The following PFKP variants were observed in gnomAD, a reference collection of about 807,000 sequenced individuals.
PFKP encodes phosphofructokinase, platelet.
Under a neutral mutation model 94.3 loss-of-function variants are expected in PFKP, and 101 were observed. The observed-to-expected ratio is 1.07, with a 90% CI of 0.91 to 1.26. The LOEUF (loss-of-function observed/expected upper bound fraction) is 1.26, where lower values mean the gene tolerates loss of function less well. Among genes scored for constraint, PFKP ranks in the 50% most tolerant of loss-of-function variants. PFKP has a pLI of 0.00. For synonymous variants in PFKP, 573 were observed against 432.6 expected (o/e 1.32, Z -4.03); for missense variants, 1,145 against 1,103.3 (o/e 1.04, Z -0.53).
intron 16 of PFKP, among the ~76,000 whole-genome samples, chr10:3,122,324 G>A (rs541040368): frequency 2.0e-5 from 3 of 152,268 alleles, no homozygotes; most frequent in East Asian, 3.9e-4. Flanking sequence ...TCTGACCGAG[G>A]TCACCCTGGC....
At chr10:3,110,784 TTA>T (rs765231131) in intron 10 of PFKP, among the ~76,000 whole-genome samples, 1 of 152,212 alleles carries the variant, frequency 6.6e-6, no homozygotes, top group East Asian at 1.9e-4. Context: ...ATGCATATAT[TTA>T]TGCATGTGTG....
At chr10:3,094,745 A>G (rs1834342753) in intron 2 of PFKP, among the ~76,000 whole-genome samples, 1 of 152,204 alleles carries the variant, frequency 6.6e-6, no homozygotes, top group South Asian at 2.1e-4. Flanking sequence ...AAGCCTAGAG[A>G]GCCGTTCAGA....
chr10:3,104,058 C>T lies in PFKP; in HGVS notation c.620+114C>T, dbSNP rs549761593. 2.3e-3 allele frequency: 2,076 copies of T among 906,728 alleles called. 6 individuals are homozygous for T. Among genetic ancestry groups the T allele is most frequent in the Non-Finnish European group, 3.1e-3 (1,902 of 615,310 alleles). The allele number at this position is 906,728 out of a possible 1,614,324, so 56.2% of individuals were successfully genotyped here. On this transcript the variant is annotated intron_variant, in intron 5 of 21. Coordinates refer to ENST00000381125, the MANE Select transcript of PFKP (RefSeq NM_002627.5). ...AGATTGGGTGTCCTGGTGCTGGTCT[C>T]GTAACTTGACTTTTAGGAGCTATTG...
At chr10:3,097,592 G>A (rs1302442121) in intron 2 of PFKP, among the ~76,000 whole-genome samples, 1 of 152,166 alleles carries the variant, frequency 6.6e-6, no homozygotes, top group African/African-American at 2.4e-5. Flanking sequence ...TGCCTGGGGG[G>A]TCTCGGGAGG....
chr10:3,094,640 C>T (rs73571283), intron 2 of PFKP, among the ~76,000 whole-genome samples: 8,177 of 152,148 alleles, frequency 0.054, 514 homozygotes, highest in African/African-American at 0.16. Flanking sequence ...GATAAAGCCA[C>T]GATTCCTGGC....
chr10:3,116,936 T>G (rs1588518501), intron 14 of PFKP, 90 bp downstream of exon 14: 1 of 1,039,954 alleles, frequency 9.6e-7, no homozygotes, highest in Non-Finnish European at 1.5e-6. Flanking sequence ...CCGACGCCAG[T>G]TGGATTCCTG....
chr10:3,071,847 T>A (rs557470655), intron 1 of PFKP, among the ~76,000 whole-genome samples: 2 of 152,354 alleles, frequency 1.3e-5, no homozygotes, highest in East Asian at 3.9e-4. Flanking sequence ...TGACTCTTTG[T>A]TATGTGGCAG....
chr10:3,120,873 T>C (rs1338986549), intron 16 of PFKP, among the ~76,000 whole-genome samples: 1 of 152,180 alleles, frequency 6.6e-6, no homozygotes, highest in Non-Finnish European at 1.5e-5. Flanking sequence ...GCTTGGTAAT[T>C]GATGTGGGAG....
At chr10:3,105,049 G>A (rs1835397790) in intron 5 of PFKP, 66 bp from the exon 6 acceptor site, 2 of 1,470,220 alleles carry the variant, frequency 1.4e-6, no homozygotes, top group Non-Finnish European at 1.9e-6. Context: ...CCAGGACTGA[G>A]TGGGTGCTCC....
At chr10:3,104,884 A>AGG in intron 5 of PFKP, 1 of 607,746 alleles carries the variant, frequency 1.6e-6, no homozygotes, top group Non-Finnish European at 2.9e-6. Flanking sequence ...GAGAGCGCAG[A>AGG]GGTGGCTCAA....
rs3816698 is a variant in PFKP, at chr10:3,113,093, G to A, written c.1155-26G>A. The A allele has an allele frequency of 0.15, 239,317 of 1,604,020 alleles. 18,678 individuals carry two copies. The highest frequency in any genetic ancestry group is 0.2 in the Admixed American group (11,739 of 59,076). On this transcript the variant is annotated intron_variant, in intron 11 of 21. Transcript: ENST00000381125. The stretch of plus-strand genomic sequence containing the variant: ...AGTTGTGTCCGGTATTCTCGACTCC[G>A]GTCCAACGACACCCTTTTCCTTTAG...
intron 3 of PFKP, among the ~76,000 whole-genome samples, chr10:3,099,611 C>T (rs1050762161): frequency 5.9e-5 from 9 of 152,186 alleles, no homozygotes; most frequent in African/African-American, 1.9e-4. Flanking sequence ...CCCACACCTT[C>T]GTGCTGGTCC....
In PFKP at chr10:3,107,233, G is replaced by A; in HGVS notation, c.794G>A (p.Arg265Lys). The A allele has an allele frequency of 6.2e-7, 1 of 1,610,490 alleles. No individual in the cohort carries two copies. The highest frequency in any genetic ancestry group is 8.5e-7 in the Non-Finnish European group (1 of 1,177,454). ...CCACAGAACCGTGCCCGGAAAAAAA[G>A]GCTGAATATTATTATTGTGGCTGAA... ...KLSENRARKK[R>K]LNIIIVAEGA... The change falls in exon 8 of 22, where the codon AGG becomes AAG. Residue 265 changes from arginine to lysine, a missense_variant. Arg to Lys is a conservative substitution (Grantham distance 26). Coordinates refer to ENST00000381125, the MANE Select transcript of PFKP (RefSeq NM_002627.5).
intron 16 of PFKP, chr10:3,125,053 G>A: frequency 8.5e-7 from 1 of 1,176,730 alleles, no homozygotes; most frequent in Non-Finnish European, 1.1e-6. Context: ...GCTGGCAGGT[G>A]AGCACCCGGC....
chr10:3,084,029 G>T lies in PFKP; in HGVS notation c.186+1568G>T, dbSNP rs74113348. Among the ~76,000 whole-genome samples, 493 of 152,264 alleles carry T rather than the reference G, an allele frequency of 3.2e-3. 3 individuals carry two copies. The highest frequency in any genetic ancestry group is 0.011 in the African/African-American group (464 of 41,542). On this transcript the variant is annotated intron_variant, in intron 2 of 21. Coordinates refer to ENST00000381125, the MANE Select transcript of PFKP (RefSeq NM_002627.5). ...GACCCTGTATTCCACCATTCCTGTG[G>T]TATTGCACTATTTAGCTTTCTCCCC...
At chr10:3,107,686 A>G (rs1159608822) in intron 8 of PFKP, 5 of 957,300 alleles carry the variant, frequency 5.2e-6, no homozygotes, top group Non-Finnish European at 6.2e-6. Context: ...ACAGTGGGAA[A>G]AGGCGGCGTC....
rs1412430370 is a variant in PFKP at position 3,109,441 on chromosome 10, C to T, written c.1050C>T (p.Asn350=). 2 of 1,607,618 alleles carry T rather than the reference C, an allele frequency of 1.2e-6. No individual in the cohort carries two copies. Among genetic ancestry groups the T allele is most frequent in the Non-Finnish European group, 1.7e-6 (2 of 1,179,872 alleles). ...TPACVVSLNG[N]HAVRLPLMEC... ...CTTGCGTCGTGTCACTGAACGGGAA[C>T]CACGCCGTGCGCCTGCCGCTGATGG... Residue 350 remains asparagine (N), a synonymous_variant, in exon 10 of 22, where the codon AAC becomes AAT. Coordinates refer to ENST00000381125, the MANE Select transcript of PFKP (RefSeq NM_002627.5).
rs1311419986 is a variant in PFKP, at chr10:3,067,698, G to T, written c.103G>T (p.Asp35Tyr). Residue 35 changes from aspartate (D) to tyrosine (Y), a missense_variant, in exon 1 of 22, where the codon GAT (aspartate) becomes TAT (tyrosine). Coordinates refer to ENST00000381125, the MANE Select transcript of PFKP (RefSeq NM_002627.5). ...KAIGVLTSGG[D>Y]AQGMNAAVRA... ...CATCGGCGTGCTGACCAGCGGCGGGGATGCTCAAGGTGCGCGCCCCCCTCC... is the reference window on the plus strand; with the variant it reads ...CATCGGCGTGCTGACCAGCGGCGGGTATGCTCAAGGTGCGCGCCCCCCTCC... The T allele has an allele frequency of 6.7e-7, 1 of 1,498,504 alleles. No homozygotes were observed. The highest frequency in any genetic ancestry group is 8.9e-7 in the Non-Finnish European group (1 of 1,120,746). The allele number at this position is 1,498,504 out of a possible 1,614,324, so 92.8% of individuals were successfully genotyped here. A position where few individuals can be genotyped will look rare whatever the true frequency, so the allele number is the denominator to read the frequency against.
At chr10:3,132,244 C>T (rs1322293907) in intron 17 of PFKP, 136 bp from the exon 18 acceptor site, 4 of 646,608 alleles carry the variant, frequency 6.2e-6, no homozygotes, top group African/African-American at 1.8e-5. Flanking sequence ...CCCCAAGACC[C>T]AAGCCGCGAG....
Sources: allele counts gnomAD v4.1 joint callset (sites outside exome capture counted in the v4.1 genomes callset), GRCh38; gene constraint gnomAD v4.1.1; transcripts MANE v1.5; gene names NCBI Gene and HGNC (gene_info 2026-07-23, HGNC 2026-07-21).